The following TRPS1 variants were observed in gnomAD, a reference collection of about 807,000 sequenced individuals.
TRPS1 encodes zinc finger transcription factor Trps1.
A neutral mutation model predicts 101.2 loss-of-function variants in TRPS1; 6 were observed. The observed-to-expected ratio is 0.06, with a 90% CI of 0.03 to 0.12. The LOEUF (loss-of-function observed/expected upper bound fraction) is 0.12, where lower values mean the gene tolerates loss of function less well. Ranked by LOEUF, TRPS1 falls within the 10% of genes least tolerant of loss-of-function variation. The pLI, the probability that TRPS1 is intolerant of heterozygous loss-of-function variation, is 1.00. For synonymous variants in TRPS1, 578 were observed against 589.8 expected, an observed-to-expected ratio of 0.98 and a Z score of 0.29; for missense variants, 1,363 against 1,567.0, an observed-to-expected ratio of 0.87 and a Z score of 2.20.
chr8:115,603,952 C>G lies in TRPS1; in HGVS notation c.2017G>C (p.Val673Leu), dbSNP rs371305338. The change falls in exon 4 of 7, where the codon GTC becomes CTC. Residue 673 changes from valine to leucine, a missense_variant. Around this residue, in one of 5 missense-constraint regions of TRPS1, gnomAD observed 1,020 missense variants for 1,073.0 expected, o/e 0.95. Transcript: ENST00000395715. Reference sequence around the variant, plus strand: ...CATGAGTGTTCTTTGCTTTCCTTGACAGACTGCTGCCCATCCGATCCTTGC... The same window carrying G: ...CATGAGTGTTCTTTGCTTTCCTTGAGAGACTGCTGCCCATCCGATCCTTGC... ...HLQGSDGQQSVKESKEHSCTK... is the reference protein window; with the variant it reads ...HLQGSDGQQSLKESKEHSCTK... 1 of 1,613,988 alleles carries G rather than the reference C, an allele frequency of 6.2e-7. No individual in the cohort carries two copies. The highest frequency in any genetic ancestry group is 1.3e-5 in the African/African-American group (1 of 75,002).
intron 5 of TRPS1, among the ~76,000 whole-genome samples, chr8:115,564,227 T>C (rs1483464393): frequency 6.6e-6 from 1 of 152,126 alleles, no homozygotes; most frequent in Non-Finnish European, 1.5e-5. Context: ...GCAATAAAGA[T>C]ACAACTATGC....
At chr8:115,632,224 C>G (rs78427544) in intron 1 of TRPS1, among the ~76,000 whole-genome samples, 106 of 151,884 alleles carry the variant, frequency 7.0e-4, no homozygotes, top group African/African-American at 2.4e-3. Context: ...TAATGTTTAC[C>G]ATAAATATAT....
chr8:115,585,494 A>G (rs1421330138), intron 5 of TRPS1, among the ~76,000 whole-genome samples: 1 of 152,178 alleles, frequency 6.6e-6, no homozygotes, highest in African/African-American at 2.4e-5. Context: ...TAAGGCCCCC[A>G]AATATACCAT....
intron 5 of TRPS1, among the ~76,000 whole-genome samples, chr8:115,561,470 GTT>G (rs11390151): frequency 6.8e-6 from 1 of 146,902 alleles, no homozygotes; most frequent in African/African-American, 2.5e-5. Flanking sequence ...TTAATCTTGT[GTT>G]TTTTTTTTTC....
At position 115,430,337 on chromosome 8, in the gene TRPS1, T is replaced by C. The variant is rs182153617; in HGVS notation, c.2701-11885A>G. ...GAGGCTCTTGAAGAAGGACCTACTTTTTCCTTTAATCTTTATATTATCAGT... is the reference window on the plus strand; with the variant it reads ...GAGGCTCTTGAAGAAGGACCTACTTCTTCCTTTAATCTTTATATTATCAGT... On this transcript the variant is annotated intron_variant, in intron 5 of 6. Coordinates refer to ENST00000395715, the MANE Select transcript of TRPS1 (RefSeq NM_014112.5). Among the ~76,000 whole-genome samples the C allele has an allele frequency of 4.4e-3, 663 of 152,280 alleles. 1 individual carries two copies. Among genetic ancestry groups the C allele is most frequent in the Admixed American group, 7.4e-3 (113 of 15,292 alleles).
At chr8:115,430,373 T>C (rs1360269057) in intron 5 of TRPS1, among the ~76,000 whole-genome samples, 3 of 152,162 alleles carry the variant, frequency 2.0e-5, no homozygotes, top group African/African-American at 7.2e-5. Context: ...GCTTTGCATA[T>C]AGTGGGCATT....
rs1443603275 is a variant in TRPS1 at position 115,619,653 on chromosome 8, G to A, written c.445C>T (p.Pro149Ser). The change falls in exon 3 of 7, where the codon CCT becomes TCT. Residue 149 changes from proline to serine, a missense_variant. Pro to Ser is a moderately conservative substitution (Grantham distance 74). Coordinates refer to ENST00000395715, the MANE Select transcript of TRPS1 (RefSeq NM_014112.5). ...GAGGGGGTGCAGGCCATATCTTGAG[G>A]GTCATCTGCCTCTGCTCTTTGCGGA... ...KSPQRAEADD[P>S]QDMACTPSGD... is the part of the protein sequence containing the mutation. 5 of 1,613,988 alleles carry A rather than the reference G, an allele frequency of 3.1e-6. No individual in the cohort carries two copies. Among genetic ancestry groups the A allele is most frequent in the African/African-American group, 1.3e-5 (1 of 74,888 alleles).
chr8:115,647,242 T>G (rs1811431888), intron 1 of TRPS1, among the ~76,000 whole-genome samples: 1 of 152,128 alleles, frequency 6.6e-6, no homozygotes, highest in Admixed American at 6.5e-5. Flanking sequence ...CTACTAAAAA[T>G]ACTAATTTTC....
chr8:115,441,866 T>TGA (rs56875076), intron 5 of TRPS1, among the ~76,000 whole-genome samples: 130 of 139,600 alleles, frequency 9.3e-4, no homozygotes, highest in Middle Eastern at 3.8e-3. Context: ...CAATTGAGAG[T>TGA]GAGAGAGAGA....
intron 5 of TRPS1, among the ~76,000 whole-genome samples, chr8:115,461,056 G>A (rs1814155558): frequency 6.6e-6 from 1 of 152,138 alleles, no homozygotes; most frequent in Non-Finnish European, 1.5e-5. Context: ...ACATGACAGT[G>A]ATAAGGTTAA....
chr8:115,634,053 A>G (rs915671101), intron 1 of TRPS1, among the ~76,000 whole-genome samples: 3 of 152,222 alleles, frequency 2.0e-5, no homozygotes, highest in African/African-American at 7.2e-5. Flanking sequence ...AAATGTGCTA[A>G]GAAAACTTGA....
chr8:115,533,278 C>T (rs1347323151), intron 5 of TRPS1, among the ~76,000 whole-genome samples: 1 of 152,074 alleles, frequency 6.6e-6, no homozygotes, highest in East Asian at 1.9e-4. Context: ...CCACCACCCT[C>T]TGGTGAATCA....
intron 5 of TRPS1, among the ~76,000 whole-genome samples, chr8:115,486,537 A>G (rs981403524): frequency 7.2e-5 from 11 of 152,272 alleles, no homozygotes; most frequent in Non-Finnish European, 1.5e-4. Context: ...CTTGAGCTCA[A>G]CAGTGAATTG....
At chr8:115,618,485 T>A (rs1255899167) in intron 3 of TRPS1, among the ~76,000 whole-genome samples, 1 of 152,216 alleles carries the variant, frequency 6.6e-6, no homozygotes, top group Non-Finnish European at 1.5e-5. Context: ...AATGCTTTCA[T>A]AAATTATTGC....
Position 115,498,373 on chromosome 8 carries a change from G to GTCTCTCTCTCTCTCTCTCTCTCTC in TRPS1, c.2701-79945_2701-79922dup, listed in dbSNP as rs1271156488. Among the ~76,000 whole-genome samples the GTCTCTCTCTCTCTCTCTCTCTCTC allele has an allele frequency of 9.6e-5, 3 of 31,224 alleles. 1 individual carries two copies. The highest frequency in any genetic ancestry group is 8.1e-5 in the African/African-American group (1 of 12,314). 20.5% of individuals were successfully genotyped at this position (31,224 alleles called of 152,430 possible). On this transcript the variant is annotated intron_variant, in intron 5 of 6. Transcript: ENST00000395715. ...AGCCTGGGCAACAAAGAGAGAGCCC[G>GTCTCTCTCTCTCTCTCTCTCTCTC]TCTCTCTCTCTCTCTCTCTCTCTCT...
chr8:115,581,394 G>A (rs1817447166), intron 5 of TRPS1, among the ~76,000 whole-genome samples: 1 of 152,044 alleles, frequency 6.6e-6, no homozygotes, highest in African/African-American at 2.4e-5. Flanking sequence ...CAAATAGCTG[G>A]AATAGTGAAT....
intron 5 of TRPS1, among the ~76,000 whole-genome samples, chr8:115,505,723 G>A (rs910846799): frequency 2.0e-5 from 3 of 152,018 alleles, no homozygotes; most frequent in African/African-American, 7.2e-5. Flanking sequence ...CAAAATGATC[G>A]TGTAAAGCAT....
intron 5 of TRPS1, among the ~76,000 whole-genome samples, chr8:115,515,664 T>C (rs1023838363): frequency 1.3e-5 from 2 of 151,484 alleles, no homozygotes; most frequent in Admixed American, 6.6e-5. Context: ...TTACATCATG[T>C]TGTGGTTTAA....
At chr8:115,454,062 G>C (rs1434070997) in intron 5 of TRPS1, among the ~76,000 whole-genome samples, 14 of 152,152 alleles carry the variant, frequency 9.2e-5, no homozygotes, top group Admixed American at 9.2e-4. Flanking sequence ...GCAACTCTAT[G>C]ATGGTGCCCT....
Sources: gnomAD v4.1 joint callset for allele counts (sites outside exome capture counted in the v4.1 genomes callset) on GRCh38, gnomAD v4.1.1 for gene constraint, gnomAD v4.1.1 regional missense constraint, MANE v1.5 for transcripts, NCBI Gene and HGNC (gene_info 2026-07-23, HGNC 2026-07-21) for gene names.